Variants in SLC6A3 observed in about 807,000 individuals in gnomAD.
SLC6A3 encodes solute carrier family 6 member 3.
Under a neutral mutation model 70.4 loss-of-function variants are expected in SLC6A3, and 19 were observed. The observed-to-expected ratio is 0.27, with a 90% CI of 0.19 to 0.40. SLC6A3 has a LOEUF of 0.40. SLC6A3 is among the 10% of genes least tolerant of loss of function. The probability of loss-of-function intolerance (pLI) is 1.00; values close to 1 mark genes in which losing one functional copy is unlikely to be tolerated. For missense variants in SLC6A3, 613 were observed against 838.5 expected (o/e 0.73, Z 3.32); for synonymous variants, 368 against 356.6 (o/e 1.03, Z -0.36).
In SLC6A3 at chr5:1,441,477, G is replaced by C; in HGVS notation, c.300C>G (p.Val100=). 2 of 1,614,120 alleles carry C rather than the reference G, an allele frequency of 1.2e-6. No individual in the cohort carries two copies. Among genetic ancestry groups the C allele is most frequent in the Non-Finnish European group, 1.7e-6 (2 of 1,179,998 alleles). The change falls in exon 3 of 15, where the codon GTC becomes GTG. Residue 100 remains valine (V), a synonymous_variant. Transcript: ENST00000270349. ...CAATGACCATGAAGAGCAGGTAGGG[G>C]ACCAGGAAGGCACCTGTGGGGCAGA... ...CYKNGGGAFL[V]PYLLFMVIAG... is the part of the protein sequence containing the mutation.
At chr5:1,431,057 C>G (rs966232465) in intron 4 of SLC6A3, among the ~76,000 whole-genome samples, 2 of 151,190 alleles carry the variant, frequency 1.3e-5, no homozygotes, top group African/African-American at 4.8e-5. Context: ...TGGGGAGAAT[C>G]GCGCAAACGT....
chr5:1,419,659 G>C (rs938869915), intron 6 of SLC6A3, among the ~76,000 whole-genome samples: 1 of 152,084 alleles, frequency 6.6e-6, no homozygotes, highest in Admixed American at 6.5e-5. Context: ...GTGGGCCCCC[G>C]GCCACAGCTG....
chr5:1,418,490 T>G (rs1040637822), intron 6 of SLC6A3, among the ~76,000 whole-genome samples: 1 of 152,168 alleles, frequency 6.6e-6, no homozygotes. Context: ...CTATCAACTG[T>G]CTATCATCTA....
Position 1,401,465 on chromosome 5 carries a change from C to T in SLC6A3, c.1768-479G>A, listed in dbSNP as rs11133767. ...CTGAACGTGCCTTCCTTCCACTGCC[C>T]GCTGCGGCAGCTCCTGGGGCCTGGA... is the stretch of plus-strand genomic sequence containing the variant. On this transcript the variant is annotated intron_variant, in intron 13 of 14. Coordinates refer to ENST00000270349, the MANE Select transcript of SLC6A3 (RefSeq NM_001044.5). This position sits in a 1 kb window ranked among gnomAD's most constrained non-coding sequence, Gnocchi z 6.1. Among the ~76,000 whole-genome samples, 53,451 of 152,162 alleles carry T rather than the reference C, an allele frequency of 0.35. 10,241 individuals carry two copies. Among genetic ancestry groups the T allele is most frequent in the African/African-American group, 0.5 (20,901 of 41,510 alleles).
In SLC6A3 at chr5:1,396,290, G is replaced by T. The variant is rs548907241; in HGVS notation, c.1840-1532C>A. ...ATTTCTGACCTAGATGGAATAATAG[G>T]GATCGAATTTACCCTACTGTCCGAA... On this transcript the variant is annotated intron_variant, in intron 14 of 14. Transcript: ENST00000270349. The surrounding 1 kb of genome is among the most constrained non-coding windows in gnomAD (Gnocchi z 7.0). Among the ~76,000 whole-genome samples, 2 of 152,258 alleles carry T rather than the reference G, an allele frequency of 1.3e-5. No individual in the cohort carries two copies. The highest frequency in any genetic ancestry group is 4.1e-4 in the South Asian group (2 of 4,820).
chr5:1,444,431 TACAC>T (rs1733751596), intron 1 of SLC6A3, among the ~76,000 whole-genome samples: 1 of 151,792 alleles, frequency 6.6e-6, no homozygotes, highest in African/African-American at 2.4e-5. Flanking sequence ...CACATACACT[TACAC>T]ACATACACAC....
In SLC6A3 at chr5:1,393,482, T is replaced by C. The variant is rs746203680; in HGVS notation, c.*1253A>G. ...TCGCAAACATAAAAACTGTTGTTAT[T>C]GATGTGGCACGCACCTGAGAGAAAT... On this transcript the variant is annotated 3_prime_UTR_variant, in exon 15 of 15. Transcript: ENST00000270349. 1 of 153,726 alleles carries C rather than the reference T, an allele frequency of 6.5e-6. No homozygotes were observed. Among genetic ancestry groups the C allele is most frequent in the Non-Finnish European group, 1.5e-5 (1 of 68,232 alleles). The allele number at this position is 153,726 out of a possible 1,614,324, so 9.5% of individuals were successfully genotyped here. A position where few individuals can be genotyped will look rare whatever the true frequency, so the allele number is the denominator to read the frequency against.
chr5:1,437,112 G>A lies in SLC6A3; in HGVS notation c.418+4247C>T, dbSNP rs374128806. Among the ~76,000 whole-genome samples, 18 of 152,108 alleles carry A rather than the reference G, an allele frequency of 1.2e-4. No homozygotes were observed. Among genetic ancestry groups the A allele is most frequent in the African/African-American group, 4.3e-4 (18 of 41,412 alleles). ...TAAAAATACAAAAAATTAGCGGGGC[G>A]TGGTGGCACGCACCTGTAGCCCCAG... On this transcript the variant is annotated intron_variant, in intron 3 of 14. Coordinates refer to ENST00000270349, the MANE Select transcript of SLC6A3 (RefSeq NM_001044.5). This position sits in a 1 kb window ranked among gnomAD's most constrained non-coding sequence, Gnocchi z 4.8.
At chr5:1,410,460 T>C (rs1468908791) in intron 9 of SLC6A3, among the ~76,000 whole-genome samples, 1 of 151,992 alleles carries the variant, frequency 6.6e-6, no homozygotes, top group Non-Finnish European at 1.5e-5. Context: ...GACCAGCGTT[T>C]ATAAGGCAAG....
chr5:1,393,043 G>A lies in SLC6A3; in HGVS notation c.*1692C>T, dbSNP rs1755613581. 1 of 152,078 alleles carries A rather than the reference G, an allele frequency of 6.6e-6. No individual in the cohort carries two copies. Among genetic ancestry groups the A allele is most frequent in the African/African-American group, 2.4e-5 (1 of 41,322 alleles). The allele number at this position is 152,078 out of a possible 1,614,324, so 9.4% of individuals were successfully genotyped here. A position where few individuals can be genotyped will look rare whatever the true frequency, so the allele number is the denominator to read the frequency against. ...ACTGCAGCGGCCAGAAGGCGATGGG[G>A]AAGCCGTCCTCTGTGTCCCTCCCCA... On this transcript the variant is annotated 3_prime_UTR_variant, in exon 15 of 15. Transcript: ENST00000270349.
chr5:1,443,284 C>A (rs1251743314), intron 1 of SLC6A3, 42 bp from the exon 2 acceptor site: 1 of 1,470,338 alleles, frequency 6.8e-7, no homozygotes, highest in Non-Finnish European at 9.5e-7. Context: ...AGGAACGCAA[C>A]AATTCAGCAG....
At chr5:1,418,491 C>T (rs900762281) in intron 6 of SLC6A3, among the ~76,000 whole-genome samples, 63 of 152,296 alleles carry the variant, frequency 4.1e-4, no homozygotes, top group African/African-American at 1.5e-3. Flanking sequence ...TATCAACTGT[C>T]TATCATCTAT....
At chr5:1,409,185 C>A in intron 10 of SLC6A3, 60 bp from the exon 11 acceptor site, 1 of 1,231,080 alleles carries the variant, frequency 8.1e-7, no homozygotes, top group South Asian at 1.3e-5. Context: ...TAAACCCAGC[C>A]TGGGGATTCA....
intron 4 of SLC6A3, among the ~76,000 whole-genome samples, chr5:1,430,302 A>G (rs1342137611): frequency 1.3e-5 from 2 of 152,182 alleles, no homozygotes; most frequent in Non-Finnish European, 2.9e-5. Flanking sequence ...AAAGGCCCAC[A>G]CAACGCTCAC....
At chr5:1,412,246 G>A (rs28363095) in intron 8 of SLC6A3, among the ~76,000 whole-genome samples, 2 of 152,248 alleles carry the variant, frequency 1.3e-5, no homozygotes, top group African/African-American at 4.8e-5. Context: ...CTTGGTAGAG[G>A]AGTGTGTGGC....
rs369821709 is a variant in SLC6A3, at chr5:1,406,285, A to G, written c.1502T>C (p.Val501Ala). The change falls in exon 12 of 15, where the codon GTT becomes GCT. Residue 501 changes from valine to alanine, a missense_variant. By Grantham distance (64) the Val-to-Ala change is moderately conservative. Transcript: ENST00000270349. This position sits in a 1 kb window ranked among gnomAD's most constrained non-coding sequence, Gnocchi z 8.8. ...CTGGATGTCGTCGCTGAACTGCCCA[A>G]CACCTGAGGGAGAAGAGGTGGCATC... ...EAIGVAWFYG[V>A]GQFSDDIQQM... is the part of the protein sequence containing the mutation. 6.2e-7 allele frequency: 1 copy of G among 1,612,326 alleles called. No homozygotes were observed. Among genetic ancestry groups the G allele is most frequent in the Non-Finnish European group, 8.5e-7 (1 of 1,179,540 alleles).
intron 8 of SLC6A3, among the ~76,000 whole-genome samples, chr5:1,412,057 C>G (rs1345867114): frequency 3.3e-5 from 5 of 152,130 alleles, no homozygotes; most frequent in Non-Finnish European, 7.3e-5. Context: ...TCACACACGT[C>G]CACACTATTT....
intron 6 of SLC6A3, 180 bp from the exon 7 acceptor site, chr5:1,416,381 G>A (rs780546982): frequency 1.1e-4 from 74 of 649,924 alleles, no homozygotes; most frequent in Non-Finnish European, 1.8e-4. Context: ...GAACCCTCCC[G>A]GGCCAGCGGC....
intron 2 of SLC6A3, among the ~76,000 whole-genome samples, chr5:1,441,912 C>A (rs995016830): frequency 3.3e-5 from 5 of 152,178 alleles, no homozygotes; most frequent in South Asian, 2.1e-4. Flanking sequence ...CTGAGTGGGC[C>A]CTGCCGTCCT....
Sources: gnomAD v4.1 joint callset for allele counts (sites outside exome capture counted in the v4.1 genomes callset) on GRCh38, gnomAD v4.1.1 for gene constraint, Gnocchi (gnomAD v3.1) non-coding constraint, MANE v1.5 for transcripts, NCBI Gene and HGNC (gene_info 2026-07-23, HGNC 2026-07-21) for gene names.